Variants in PHKA1 observed in about 807,000 individuals in gnomAD.
PHKA1 encodes the protein phosphorylase b kinase regulatory subunit alpha, skeletal muscle isoform.
PHKA1 carries 60 observed loss-of-function variants against 110.2 expected under a neutral mutation model. The observed-to-expected ratio is 0.54, with a 90% CI of 0.44 to 0.68. The LOEUF is 0.68. PHKA1 is among the 30% of genes least tolerant of loss of function. The probability of loss-of-function intolerance (pLI) is 0.00; values close to 1 mark genes in which losing one functional copy is unlikely to be tolerated. For synonymous variants in PHKA1, 316 were observed against 333.6 expected, an observed-to-expected ratio of 0.95 and a Z score of 0.58; for missense variants, 801 against 942.5, an observed-to-expected ratio of 0.85 and a Z score of 1.97.
At chrX:72,592,630 T>C (rs918978024) in intron 29 of PHKA1, among the ~76,000 whole-genome samples, 1 of 112,548 alleles carries the variant, frequency 8.9e-6, no homozygotes, top group Non-Finnish European at 1.9e-5. Context: ...AGAAAAAATA[T>C]AGGTAATAAC....
chrX:72,611,110 C>T lies in PHKA1; in HGVS notation c.2444G>A (p.Gly815Asp), dbSNP rs781886843. The change falls in exon 22 of 32, where the codon GGC becomes GAC. Residue 815 changes from glycine to aspartate, a missense_variant. By Grantham distance (94) the Gly-to-Asp change is moderately conservative. Around this residue, in one of 2 missense-constraint regions of PHKA1, gnomAD observed 502 missense variants for 519.2 expected, o/e 0.97. Coordinates refer to ENST00000373542, the MANE Select transcript of PHKA1 (RefSeq NM_002637.4). ...TVRELLTELY[G>D]KVGEIRHWGL... Reference sequence around the variant, plus strand: ...CCAGTGACGAATTTCTCCCACTTTGCCATACAGCTCGGTAAGAAGCTCTCT... The same window carrying T: ...CCAGTGACGAATTTCTCCCACTTTGTCATACAGCTCGGTAAGAAGCTCTCT... 1.7e-6 allele frequency: 2 copies of T among 1,200,655 alleles called. No homozygotes were observed. Among genetic ancestry groups the T allele is most frequent in the Non-Finnish European group, 2.3e-6 (2 of 885,737 alleles).
intron 6 of PHKA1, among the ~76,000 whole-genome samples, chrX:72,669,169 C>A (rs1405771149): frequency 2.7e-5 from 3 of 110,817 alleles, no homozygotes; most frequent in African/African-American, 9.9e-5. Context: ...CTCAGGCAGA[C>A]CTTGCATGCT....
intron 5 of PHKA1, among the ~76,000 whole-genome samples, chrX:72,678,081 T>A (rs1406696369): frequency 9.0e-6 from 1 of 111,313 alleles, no homozygotes; most frequent in Non-Finnish European, 1.9e-5. Context: ...ACACTCCCTT[T>A]TTGAACGTTT....
chrX:72,673,944 A>T (rs1324229886), intron 6 of PHKA1, among the ~76,000 whole-genome samples: 1 of 89,206 alleles, frequency 1.1e-5, no homozygotes, highest in Non-Finnish European at 2.2e-5. Context: ...TCCTAATGCT[A>T]TCCCTCCCCC....
intron 22 of PHKA1, 128 bp downstream of exon 22, chrX:72,610,900 C>A (rs1487451583): frequency 1.8e-5 from 9 of 489,319 alleles, no homozygotes; most frequent in Non-Finnish European, 2.8e-5. Context: ...AACTGAATAT[C>A]AAATTTTATG....
chrX:72,713,019 A>G (rs2054406765), intron 1 of PHKA1, 82 bp from the exon 2 acceptor site: 13 of 1,033,942 alleles, frequency 1.3e-5, no homozygotes, highest in Non-Finnish European at 1.8e-5. Context: ...TGGGTTTTTT[A>G]GGGACTTTGG....
chrX:72,582,477 A>G lies in PHKA1; in HGVS notation c.3419T>C (p.Ile1140Thr), dbSNP rs782727901. The change falls in exon 31 of 32, where the codon ATT becomes ACT. Residue 1140 changes from isoleucine (I) to threonine (T), a missense_variant. This residue lies in a region of PHKA1 where 502 missense variants were observed against 519.2 expected (regional missense o/e 0.97). Coordinates refer to ENST00000373542, the MANE Select transcript of PHKA1 (RefSeq NM_002637.4). Reference protein sequence around the residue: ...AILVLTMLADIEIHSIGSIIA... With the variant: ...AILVLTMLADTEIHSIGSIIA... The stretch of plus-strand genomic sequence containing the variant: ...GATGCTTCCGATGCTATGAATTTCA[A>G]TATCTGCCAGCATGGTGAGGACAAG... 1 of 1,205,780 alleles carries G rather than the reference A, an allele frequency of 8.3e-7. No homozygotes were observed. The highest frequency in any genetic ancestry group is 1.1e-6 in the Non-Finnish European group (1 of 889,955).
chrX:72,585,407 G>A (rs1556210879), intron 29 of PHKA1, among the ~76,000 whole-genome samples: 1 of 111,959 alleles, frequency 8.9e-6, no homozygotes, highest in Non-Finnish European at 1.9e-5. Flanking sequence ...GCCATGTTAT[G>A]ATTGATTAAT....
intron 14 of PHKA1, among the ~76,000 whole-genome samples, chrX:72,638,127 GT>G (rs1214505871): frequency 1.8e-5 from 2 of 110,571 alleles, no homozygotes; most frequent in Admixed American, 9.6e-5. Context: ...GTTCTCACAG[GT>G]TTTTTTTGTT....
chrX:72,678,880 G>C (rs2053810534), intron 5 of PHKA1, among the ~76,000 whole-genome samples: 1 of 112,105 alleles, frequency 8.9e-6, no homozygotes, highest in Admixed American at 9.5e-5. Flanking sequence ...ATACAGGAAG[G>C]AGAAAACTAA....
At chrX:72,684,114 GATA>G (rs1382205542) in intron 5 of PHKA1, among the ~76,000 whole-genome samples, 1 of 112,181 alleles carries the variant, frequency 8.9e-6, no homozygotes, top group Non-Finnish European at 1.9e-5. Flanking sequence ...AACACCTACA[GATA>G]ATATTACAAA....
intron 16 of PHKA1, among the ~76,000 whole-genome samples, chrX:72,630,584 T>A (rs782325985): frequency 1.8e-5 from 2 of 111,184 alleles, no homozygotes; most frequent in African/African-American, 6.5e-5. Flanking sequence ...AAATTCTTTT[T>A]TTTTTCAGTA....
chrX:72,659,456 G>A (rs782430467), intron 8 of PHKA1, among the ~76,000 whole-genome samples: 1 of 110,744 alleles, frequency 9.0e-6, no homozygotes, highest in Non-Finnish European at 1.9e-5. Context: ...CATTGCCTCT[G>A]GGCCCTCTCA....
At chrX:72,672,459 G>A (rs1161627765) in intron 6 of PHKA1, among the ~76,000 whole-genome samples, 4 of 111,329 alleles carry the variant, frequency 3.6e-5, no homozygotes, top group Non-Finnish European at 5.7e-5. Flanking sequence ...GGTGGAATGG[G>A]GTATCAGATG....
chrX:72,652,522 C>G (rs2053442713), intron 12 of PHKA1, 22 bp downstream of exon 12: 1 of 894,533 alleles, frequency 1.1e-6, no homozygotes, highest in South Asian at 2.0e-5. Context: ...AAAAGTGGGA[C>G]AGCCTTGAAG....
chrX:72,695,733 G>A lies in PHKA1; in HGVS notation c.429C>T (p.Leu143=), dbSNP rs138066694. ...LQLDATSVYL[L]FLAQMTASGL... Reference sequence around the variant, plus strand: ...CTGAGGCAGTCATTTGGGCTAAGAAGAGCAGGTACACAGAGGTAGCATCCA... The same window carrying A: ...CTGAGGCAGTCATTTGGGCTAAGAAAAGCAGGTACACAGAGGTAGCATCCA... The change falls in exon 4 of 32, where the codon CTC becomes CTT. Residue 143 remains leucine (L), a synonymous_variant. Transcript: ENST00000373542. 0.035 allele frequency: 42,615 copies of A among 1,207,676 alleles called. 643 individuals carry two copies. The highest frequency in any genetic ancestry group is 0.042 in the Non-Finnish European group (37,450 of 894,665).
chrX:72,613,291 C>T (rs1281136732), intron 21 of PHKA1, among the ~76,000 whole-genome samples: 7 of 110,389 alleles, frequency 6.3e-5, no homozygotes, highest in African/African-American at 2.3e-4. Context: ...TGTGTGTATA[C>T]TATGCTACCT....
At chrX:72,612,169 T>C (rs1395215383) in intron 21 of PHKA1, among the ~76,000 whole-genome samples, 1 of 112,122 alleles carries the variant, frequency 8.9e-6, no homozygotes, top group Non-Finnish European at 1.9e-5. Flanking sequence ...CTGATACATG[T>C]TACAACACGG....
At position 72,579,418 on chromosome X, in the gene PHKA1, A is replaced by G. The variant is rs2052304662; in HGVS notation, c.*1584T>C. On this transcript the variant is annotated 3_prime_UTR_variant, in exon 32 of 32. Transcript: ENST00000373542. ...TCACCATTCCCAATATTGGGGAAAA[A>G]CTTTAGAAATCCAAGATAAAGGAGG... is the stretch of plus-strand genomic sequence containing the variant. The G allele has an allele frequency of 8.9e-6, 1 of 111,784 alleles. No homozygotes were observed. The highest frequency in any genetic ancestry group is 9.5e-5 in the Admixed American group (1 of 10,513). 9.2% of individuals were successfully genotyped at this position (111,784 alleles called of 1,213,427 possible).
Sources: gnomAD v4.1 joint callset for allele counts (sites outside exome capture counted in the v4.1 genomes callset) on GRCh38, gnomAD v4.1.1 for gene constraint, gnomAD v4.1.1 regional missense constraint, MANE v1.5 for transcripts, NCBI Gene and HGNC (gene_info 2026-07-23, HGNC 2026-07-21) for gene names.